The following TBC1D22B variants were observed in gnomAD, a reference collection of about 807,000 sequenced individuals.
TBC1D22B encodes the protein chromosome 6 open reading frame 197.
A neutral mutation model predicts 69.1 loss-of-function variants in TBC1D22B; 32 were observed. That is an observed-to-expected ratio of 0.46 (90% CI 0.35 to 0.62). TBC1D22B has a LOEUF of 0.62. TBC1D22B is among the 20% of genes least tolerant of loss of function. The pLI is 0.00. For missense variants in TBC1D22B, 462 were observed against 630.9 expected (o/e 0.73, Z 2.87); for synonymous variants, 206 against 229.8 (o/e 0.90, Z 0.94).
At chr6:37,327,751 T>C (rs1768471319) in intron 12 of TBC1D22B, among the ~76,000 whole-genome samples, 2 of 152,106 alleles carry the variant, frequency 1.3e-5, no homozygotes, top group African/African-American at 4.8e-5. Flanking sequence ...ATCATGTGAC[T>C]GGAGGGGTTT....
intron 1 of TBC1D22B, among the ~76,000 whole-genome samples, chr6:37,262,561 A>G (rs1405537239): frequency 6.6e-6 from 1 of 152,236 alleles, no homozygotes; most frequent in Admixed American, 6.5e-5. Flanking sequence ...AGCCGATCCT[A>G]AAATAATAAT....
intron 12 of TBC1D22B, among the ~76,000 whole-genome samples, chr6:37,327,854 A>G (rs195403): frequency 0.25 from 37,557 of 151,920 alleles, 6,029 homozygotes; most frequent in African/African-American, 0.45. Context: ...CACCACCATC[A>G]TGACGGCTTT....
intron 8 of TBC1D22B, 39 bp downstream of exon 8, chr6:37,291,396 C>G (rs770966018): frequency 7.3e-7 from 1 of 1,371,120 alleles, no homozygotes; most frequent in Non-Finnish European, 1.0e-6. Flanking sequence ...AGCTATTGCT[C>G]TTTCTTATCT....
intron 7 of TBC1D22B, among the ~76,000 whole-genome samples, chr6:37,287,752 A>G (rs1767054057): frequency 6.6e-6 from 1 of 152,212 alleles, no homozygotes; most frequent in Non-Finnish European, 1.5e-5. Flanking sequence ...TATGTAACAC[A>G]TATTGTTGAG....
chr6:37,289,054 A>G (rs1215976260), intron 7 of TBC1D22B, among the ~76,000 whole-genome samples: 1 of 151,870 alleles, frequency 6.6e-6, no homozygotes, highest in Non-Finnish European at 1.5e-5. Context: ...ACACCTGGCT[A>G]ATTTTTTTTC....
rs34996865 is a variant in TBC1D22B at position 37,298,539 on chromosome 6, G to GTTTTTTTTTTTTTTTTTT, written c.982+7189_982+7206dup. Among the ~76,000 whole-genome samples the GTTTTTTTTTTTTTTTTTT allele has an allele frequency of 3.2e-4, 23 of 71,260 alleles. 1 individual carries two copies. Among genetic ancestry groups the GTTTTTTTTTTTTTTTTTT allele is most frequent in the African/African-American group, 1.4e-3 (23 of 16,304 alleles). The allele number at this position is 71,260 out of a possible 152,430, so 46.7% of individuals were successfully genotyped here. A position where few individuals can be genotyped will look rare whatever the true frequency, so the allele number is the denominator to read the frequency against. ...TAGAAGAACATTTAAGTTGCCTACA[G>GTTTTTTTTTTTTTTTTTT]TTTTTTTTTTTTTTTTTTTTTTTTG... is the stretch of plus-strand genomic sequence containing the variant. On this transcript the variant is annotated intron_variant, in intron 8 of 12. Transcript: ENST00000373491.
rs557268507 is a variant in TBC1D22B, at chr6:37,322,159, A to G, written c.1389+4953A>G. Among the ~76,000 whole-genome samples the G allele has an allele frequency of 1.9e-4, 29 of 152,282 alleles. No homozygotes were observed. In the South Asian group the frequency reaches 5.0e-3, roughly 26 times the overall value. On this transcript the variant is annotated intron_variant, in intron 12 of 12. Transcript: ENST00000373491. Reference sequence around the variant, plus strand: ...TTACCCAGCAGTGAGCCTGAAGAGGACTGTATCTGCCCAGAGGACAGGGCC... The same window carrying G: ...TTACCCAGCAGTGAGCCTGAAGAGGGCTGTATCTGCCCAGAGGACAGGGCC...
chr6:37,311,540 G>T (rs1767911078), intron 8 of TBC1D22B, among the ~76,000 whole-genome samples: 1 of 152,078 alleles, frequency 6.6e-6, no homozygotes, highest in South Asian at 2.1e-4. Flanking sequence ...GGGCGTGGTT[G>T]TATGCACCTG....
intron 3 of TBC1D22B, among the ~76,000 whole-genome samples, chr6:37,281,346 C>T (rs886397264): frequency 2.0e-5 from 3 of 152,184 alleles, no homozygotes; most frequent in African/African-American, 7.2e-5. Context: ...ACTCAATATA[C>T]GTGAGTCCTC....
At chr6:37,284,282 A>G in intron 5 of TBC1D22B, 54 bp from the exon 6 acceptor site, 1 of 1,612,698 alleles carries the variant, frequency 6.2e-7, no homozygotes, top group Non-Finnish European at 8.5e-7. Context: ...AATAAAAATT[A>G]AGGATTTATC....
intron 8 of TBC1D22B, among the ~76,000 whole-genome samples, chr6:37,306,597 G>A (rs962959099): frequency 2.0e-5 from 3 of 152,156 alleles, no homozygotes; most frequent in Non-Finnish European, 4.4e-5. Flanking sequence ...ATGTCAGGAG[G>A]CTGACTTAAC....
intron 10 of TBC1D22B, 125 bp from the exon 11 acceptor site, chr6:37,316,578 G>C (rs1321092829): frequency 9.6e-7 from 1 of 1,042,482 alleles, no homozygotes; most frequent in African/African-American, 1.6e-5. Context: ...ATGGCTGTCT[G>C]CCTCCTCTGT....
chr6:37,267,335 TATATAATATATATATACACAC>T (rs1766315083), intron 1 of TBC1D22B, among the ~76,000 whole-genome samples: 1 of 140,144 alleles, frequency 7.1e-6, no homozygotes, highest in Admixed American at 7.3e-5. Context: ...CACACACACA[TATATAATATATATATACACAC>T]ATATATAATA....
In TBC1D22B at chr6:37,300,690, A is replaced by G. The variant is rs1196387567; in HGVS notation, c.982+9333A>G. 2.6e-5 allele frequency among the ~76,000 whole-genome samples: 4 copies of G among 152,262 alleles called. No individual in the cohort carries two copies. The East Asian group carries it at 7.7e-4, about 29-fold the overall frequency. ...ATTTTTTATTAGTGGCTTTTTAAAAAAAATTCCCCCCACCCAGGGCCAGTC... is the reference window on the plus strand; with the variant it reads ...ATTTTTTATTAGTGGCTTTTTAAAAGAAATTCCCCCCACCCAGGGCCAGTC... On this transcript the variant is annotated intron_variant, in intron 8 of 12. Transcript: ENST00000373491.
chr6:37,270,028 G>A (rs1367384210), intron 2 of TBC1D22B, among the ~76,000 whole-genome samples: 1 of 152,174 alleles, frequency 6.6e-6, no homozygotes, highest in Non-Finnish European at 1.5e-5. Flanking sequence ...ATATAGATAG[G>A]TCTGCCACCT....
intron 8 of TBC1D22B, among the ~76,000 whole-genome samples, chr6:37,306,386 G>C (rs57167818): frequency 0.032 from 4,845 of 152,288 alleles, 241 homozygotes; most frequent in African/African-American, 0.11. Context: ...GACACTGGCA[G>C]TGGGGACCCT....
chr6:37,314,418 G>C (rs1768015867), intron 10 of TBC1D22B, among the ~76,000 whole-genome samples: 1 of 152,144 alleles, frequency 6.6e-6, no homozygotes, highest in Admixed American at 6.6e-5. Flanking sequence ...AGGCCTGGCT[G>C]ATACCCCAGC....
intron 2 of TBC1D22B, among the ~76,000 whole-genome samples, chr6:37,270,151 A>G (rs570131070): frequency 3.5e-4 from 53 of 152,316 alleles, no homozygotes; most frequent in African/African-American, 1.3e-3. Context: ...TATGTACAGT[A>G]GAGTTAAAAG....
At chr6:37,259,953 TAAACATTTAA>T (rs1264874509) in intron 1 of TBC1D22B, among the ~76,000 whole-genome samples, 1 of 152,226 alleles carries the variant, frequency 6.6e-6, no homozygotes, top group African/African-American at 2.4e-5. Context: ...TTACAGCAAG[TAAACATTTAA>T]AATAATGTTA....
Sources: gnomAD v4.1 joint callset for allele counts (sites outside exome capture counted in the v4.1 genomes callset) on GRCh38, gnomAD v4.1.1 for gene constraint, MANE v1.5 for transcripts, NCBI Gene and HGNC (gene_info 2026-07-23, HGNC 2026-07-21) for gene names.